The following KASH5 variants were observed in gnomAD, a reference collection of about 807,000 sequenced individuals.
The protein encoded by KASH5 is protein KASH5.
In KASH5, 72 loss-of-function variants were observed where a neutral mutation model predicts 84.2. The ratio of observed to expected loss-of-function variants is 0.85; its 90% CI spans 0.71 to 1.04. The LOEUF (loss-of-function observed/expected upper bound fraction) is 1.04, where lower values mean the gene tolerates loss of function less well. Among genes scored for constraint, KASH5 ranks in the 50% least tolerant of loss-of-function variants. The pLI, the probability that KASH5 is intolerant of heterozygous loss-of-function variation, is 0.00. For missense variants in KASH5, 650 were observed against 701.0 expected, an observed-to-expected ratio of 0.93 and a Z score of 0.82; for synonymous variants, 260 against 279.1, an observed-to-expected ratio of 0.93 and a Z score of 0.68.
rs1183647278 is a variant in KASH5 at position 49,416,482 on chromosome 19, C to T, written c.1375-533C>T. On this transcript the variant is annotated intron_variant, in intron 17 of 19. Transcript: ENST00000447857. This position sits in a 1 kb window ranked among gnomAD's most constrained non-coding sequence, Gnocchi z 5.4. ...CCGGGATTACAGGCATGAGCCACTGCACCTGGCCTGTAATGGCATGTTTTT... is the reference window on the plus strand; with the variant it reads ...CCGGGATTACAGGCATGAGCCACTGTACCTGGCCTGTAATGGCATGTTTTT... 6.6e-6 allele frequency among the ~76,000 whole-genome samples: 1 copy of T among 152,218 alleles called. No individual in the cohort carries two copies. The highest frequency in any genetic ancestry group is 2.4e-5 in the African/African-American group (1 of 41,456).
intron 9 of KASH5, among the ~76,000 whole-genome samples, chr19:49,403,278 CAGG>C (rs1189619903): frequency 6.6e-6 from 1 of 152,102 alleles, no homozygotes; most frequent in Non-Finnish European, 1.5e-5. Context: ...GAGGCTGAGG[CAGG>C]AGAATGTCGT....
intron 9 of KASH5, among the ~76,000 whole-genome samples, chr19:49,400,227 A>AG (rs1343742988): frequency 6.8e-6 from 1 of 146,528 alleles, no homozygotes. Flanking sequence ...GAGCCTCTCA[A>AG]AAAAAAAAAA....
chr19:49,391,609 T>C (rs1225510011), intron 2 of KASH5: 1 of 152,118 alleles, frequency 6.6e-6, no homozygotes, highest in South Asian at 2.1e-4. Flanking sequence ...AATCTGTTTT[T>C]TTCATACTAA....
Position 49,417,744 on chromosome 19 carries a change from A to G in KASH5, c.*234A>G, listed in dbSNP as rs1974958903. 1 of 509,022 alleles carries G rather than the reference A, an allele frequency of 2.0e-6. No individual in the cohort carries two copies. The highest frequency in any genetic ancestry group is 3.1e-6 in the Non-Finnish European group (1 of 322,228). 31.5% of individuals were successfully genotyped at this position (509,022 alleles called of 1,614,324 possible). A position where few individuals can be genotyped will look rare whatever the true frequency, so the allele number is the denominator to read the frequency against. ...TAAGCACTAAGGATTATTCCCTCAC[A>G]AAACAAGCCTGGCGAGGGCAGCTGT... On this transcript the variant is annotated 3_prime_UTR_variant, in exon 20 of 20. Coordinates refer to ENST00000447857, the MANE Select transcript of KASH5 (RefSeq NM_144688.5). This position sits in a 1 kb window ranked among gnomAD's most constrained non-coding sequence, Gnocchi z 5.2.
In KASH5 at chr19:49,399,385, G is replaced by T; in HGVS notation, c.748-72G>T. The T allele has an allele frequency of 2.1e-6, 3 of 1,445,004 alleles. No homozygotes were observed. Among genetic ancestry groups the T allele is most frequent in the Non-Finnish European group, 2.9e-6 (3 of 1,046,956 alleles). The allele number at this position is 1,445,004 out of a possible 1,614,324, so 89.5% of individuals were successfully genotyped here. ...CCCAGGCCCTGGTTGTGTTTTCAGGGGTGGGAGAAGGGCAACATGGGGGCA... is the reference window on the plus strand; with the variant it reads ...CCCAGGCCCTGGTTGTGTTTTCAGGTGTGGGAGAAGGGCAACATGGGGGCA... On this transcript the variant is annotated intron_variant, in intron 8 of 19. Coordinates refer to ENST00000447857, the MANE Select transcript of KASH5 (RefSeq NM_144688.5). The surrounding 1 kb of genome is among the most constrained non-coding windows in gnomAD (Gnocchi z 4.4).
intron 9 of KASH5, among the ~76,000 whole-genome samples, chr19:49,400,983 C>A (rs1974344706): frequency 6.6e-6 from 1 of 152,190 alleles, no homozygotes; most frequent in Non-Finnish European, 1.5e-5. Context: ...GCCTAGTGCT[C>A]TAGGAGGCTG....
intron 9 of KASH5, among the ~76,000 whole-genome samples, chr19:49,400,225 CAAAAAAAAAAA>C (rs34052696): frequency 1.2e-5 from 1 of 81,284 alleles, no homozygotes; most frequent in Non-Finnish European, 2.3e-5. Flanking sequence ...GAGAGCCTCT[CAAAAAAAAAAA>C]AAAAAAAAAA....
In KASH5 at chr19:49,398,093, G is replaced by C; in HGVS notation, c.579G>C (p.Gly193=). The change falls in exon 7 of 20, where the codon GGG becomes GGC. Residue 193 remains glycine, a synonymous_variant. Coordinates refer to ENST00000447857, the MANE Select transcript of KASH5 (RefSeq NM_144688.5). ...GGAGCATGGAGACAGCTGAGGAGGG[G>C]TCAGCACGCCTTGGGGAGGAGATCT... The part of the protein sequence containing the change: ...LQRSMETAEE[G]SARLGEEILA... The C allele has an allele frequency of 6.2e-7, 1 of 1,610,088 alleles. No homozygotes were observed. The highest frequency in any genetic ancestry group is 1.1e-5 in the South Asian group (1 of 90,922).
rs772644534 is a variant in KASH5 at position 49,406,926 on chromosome 19, G to A, written c.839G>A (p.Arg280Lys). The change falls in exon 10 of 20, where the codon AGA (arginine) becomes AAA (lysine). Residue 280 changes from arginine to lysine, a missense_variant. Transcript: ENST00000447857. ...GCCGAGCGGGATGGAGTGAAAAAGA[G>A]AAGTCAGGAGCTGGCCATGGAGAAG... ...LLAERDGVKK[R>K]SQELAMEKDT... 9 of 1,604,074 alleles carry A rather than the reference G, an allele frequency of 5.6e-6. No individual in the cohort carries two copies. Among genetic ancestry groups the A allele is most frequent in the Non-Finnish European group, 6.8e-6 (8 of 1,175,354 alleles).
intron 9 of KASH5, among the ~76,000 whole-genome samples, chr19:49,405,686 G>A (rs1370483961): frequency 1.3e-5 from 2 of 151,882 alleles, no homozygotes; most frequent in Non-Finnish European, 2.9e-5. Flanking sequence ...GCCGGGTGCG[G>A]TGGCTCACAC....
In KASH5 at chr19:49,409,234, C is replaced by T. The variant is rs202225444; in HGVS notation, c.1097C>T (p.Thr366Ile). The change falls in exon 14 of 20, where the codon ACC (threonine) becomes ATC (isoleucine). Residue 366 changes from threonine (T) to isoleucine (I), a missense_variant. Coordinates refer to ENST00000447857, the MANE Select transcript of KASH5 (RefSeq NM_144688.5). ...EGAQLRRVGWTELLPPSLGLE... is the reference protein window; with the variant it reads ...EGAQLRRVGWIELLPPSLGLE... ...GCCCAGCTGAGAAGAGTGGGCTGGA[C>T]CGAGCTGCTACCCCCATCGCTGGGC... 1.0e-3 allele frequency: 1,664 copies of T among 1,613,986 alleles called. 9 individuals are homozygous for T. In the Middle Eastern group the frequency reaches 0.012, roughly 12 times the overall value.
At chr19:49,398,373 T>TC (rs1491182212) in intron 7 of KASH5, among the ~76,000 whole-genome samples, 3 of 130,582 alleles carry the variant, frequency 2.3e-5, no homozygotes, top group African/African-American at 3.6e-5. Flanking sequence ...TCTCTCTCTC[T>TC]TTTTTTTTTT....
chr19:49,397,328 G>C (rs1974213863), intron 5 of KASH5, among the ~76,000 whole-genome samples: 1 of 152,110 alleles, frequency 6.6e-6, no homozygotes, highest in South Asian at 2.1e-4. Flanking sequence ...CTGGACTGGG[G>C]GTGACAGGGA....
At chr19:49,394,879 T>C in intron 3 of KASH5, 1 of 591,112 alleles carries the variant, frequency 1.7e-6, no homozygotes, top group Non-Finnish European at 3.0e-6. Flanking sequence ...TGTCCCTATG[T>C]CCATCCCCTT....
At position 49,407,679 on chromosome 19, in the gene KASH5, A is replaced by AGCGGCCCTCGCCACCCACC. The variant is rs558550902; in HGVS notation, c.993+23_993+41dup. 2.5e-6 allele frequency: 4 copies of AGCGGCCCTCGCCACCCACC among 1,598,956 alleles called. No homozygotes were observed. The highest frequency in any genetic ancestry group is 3.4e-6 in the Non-Finnish European group (4 of 1,172,742). ...TACAGAGTGACGACGCAGGTAACTCAGCGGCCCTCGCCACCCACCGCGGCC... is the reference window on the plus strand; with the variant it reads ...TACAGAGTGACGACGCAGGTAACTCAGCGGCCCTCGCCACCCACCGCGGCCCTCGCCACCCACCGCGGCC... On this transcript the variant is annotated intron_variant, in intron 12 of 19. Coordinates refer to ENST00000447857, the MANE Select transcript of KASH5 (RefSeq NM_144688.5).
At chr19:49,393,516 G>T (rs1974070592) in intron 2 of KASH5, 1 of 152,314 alleles carries the variant, frequency 6.6e-6, no homozygotes, top group African/African-American at 2.4e-5. Context: ...AGCTGTTCAA[G>T]GCCAGGGCAG....
rs1974840829 is a variant in KASH5 at position 49,414,724 on chromosome 19, GCCTGGCCTCCC to G, written c.1329-224_1329-214del. Among the ~76,000 whole-genome samples the G allele has an allele frequency of 3.4e-5, 5 of 145,474 alleles. No homozygotes were observed. The East Asian group carries it at 1.1e-3, about 31-fold the overall frequency. ...GGCCTCCCCCAGGCCCGTCCGTGCT[GCCTGGCCTCCC>G]CCAGGCCCGTCCGTGCTGCCTGGCC... On this transcript the variant is annotated intron_variant, in intron 16 of 19. Coordinates refer to ENST00000447857, the MANE Select transcript of KASH5 (RefSeq NM_144688.5). This position sits in a 1 kb window ranked among gnomAD's most constrained non-coding sequence, Gnocchi z 4.5.
Position 49,399,034 on chromosome 19 carries a change from G to A in KASH5, c.639G>A (p.Gln213=). 6.4e-7 allele frequency: 1 copy of A among 1,551,530 alleles called. No homozygotes were observed. The highest frequency in any genetic ancestry group is 8.7e-7 in the Non-Finnish European group (1 of 1,146,926). ...ALRKQLHSTQ[Q]ALQFAKAMDE... ...CCCCACCCGCATTCAGCACCCAGCAGGCCCTGCAGTTTGCCAAGGCCATGG... is the reference window on the plus strand; with the variant it reads ...CCCCACCCGCATTCAGCACCCAGCAAGCCCTGCAGTTTGCCAAGGCCATGG... The change falls in exon 8 of 20, where the codon CAG becomes CAA. Residue 213 remains glutamine, a synonymous_variant. Transcript: ENST00000447857. This position sits in a 1 kb window ranked among gnomAD's most constrained non-coding sequence, Gnocchi z 4.4.
In KASH5 at chr19:49,415,016, C is replaced by T. The variant is rs115880998; in HGVS notation, c.1374+20C>T. On this transcript the variant is annotated intron_variant, in intron 17 of 19. Coordinates refer to ENST00000447857, the MANE Select transcript of KASH5 (RefSeq NM_144688.5). The stretch of plus-strand genomic sequence containing the variant: ...GTCACGGTAGGCAGTCCCCAGCACC[C>T]CTCCCCAGTCCCCATCCACTCCACA... The T allele has an allele frequency of 3.9e-4, 632 of 1,605,078 alleles. 2 individuals carry two copies. The African/African-American group carries it at 7.6e-3, about 19-fold the overall frequency.
Sources: gnomAD v4.1 joint callset for allele counts (sites outside exome capture counted in the v4.1 genomes callset) on GRCh38, gnomAD v4.1.1 for gene constraint, Gnocchi (gnomAD v3.1) non-coding constraint, MANE v1.5 for transcripts, NCBI Gene and HGNC (gene_info 2026-07-23, HGNC 2026-07-21) for gene names.